Variants in MYO16 observed in about 807,000 individuals in gnomAD.
The protein encoded by MYO16 is myosin XVI, also known as unconventional myosin-XVI.
Under a neutral mutation model 205.3 loss-of-function variants are expected in MYO16, and 94 were observed. The observed-to-expected ratio is 0.46, with a 90% confidence interval of 0.39 to 0.54. The LOEUF (loss-of-function observed/expected upper bound fraction) is 0.54. Ranked by LOEUF, MYO16 falls within the 20% of genes least tolerant of loss-of-function variation. The probability of loss-of-function intolerance (pLI) is 0.00; values close to 1 mark genes in which losing one functional copy is unlikely to be tolerated. For missense variants in MYO16, 2,315 were observed against 2,387.5 expected, an observed-to-expected ratio of 0.97 and a Z score of 0.63; for synonymous variants, 988 against 954.0, an observed-to-expected ratio of 1.04 and a Z score of -0.66.
chr13:108,665,965 C>G lies in MYO16; in HGVS notation c.108C>G (p.Gly36=), dbSNP rs956110918. Residue 36 remains glycine, a synonymous_variant, in exon 2 of 35, where the codon GGC becomes GGG. Transcript: ENST00000457511. The part of the protein sequence containing the change: ...DQCLLESLPL[G]QRQRLVKRMR... ...GCTTGCTAGAGTCCCTTCCCCTTGG[C>G]CAACGGCAGCGTCTAGTGAAGCGCA... 40 of 1,614,016 alleles carry G rather than the reference C, an allele frequency of 2.5e-5. No homozygotes were observed. The highest frequency in any genetic ancestry group is 3.4e-5 in the Non-Finnish European group (40 of 1,179,998).
intron 27 of MYO16, among the ~76,000 whole-genome samples, chr13:109,099,439 A>G (rs1404304143): frequency 6.6e-6 from 1 of 152,190 alleles, no homozygotes; most frequent in African/African-American, 2.4e-5. Flanking sequence ...CGAAAACCAC[A>G]ATTACATTTA....
chr13:108,533,781 T>C, the MYO16 span, among the ~76,000 whole-genome samples: 1 of 152,242 alleles, frequency 6.6e-6, no homozygotes, highest in Non-Finnish European at 1.5e-5. Flanking sequence ...ATAAATAAAC[T>C]ATTATTAAAT....
At chr13:108,518,035 A>G in the MYO16 span, among the ~76,000 whole-genome samples, 1 of 152,162 alleles carries the variant, frequency 6.6e-6, no homozygotes, top group African/African-American at 2.4e-5. Flanking sequence ...GTTGGGTATT[A>G]TAAGCCAGCA....
chr13:108,574,698 TGTGTGTGTGTGC>T, the MYO16 span, among the ~76,000 whole-genome samples: 71 of 134,868 alleles, frequency 5.3e-4, no homozygotes, highest in Middle Eastern at 7.5e-3. Flanking sequence ...TGTGTGTGTG[TGTGTGTGTGTGC>T]GCTTGTGTGT....
intron 34 of MYO16, among the ~76,000 whole-genome samples, chr13:109,193,268 G>A (rs1046909243): frequency 1.3e-5 from 2 of 152,180 alleles, no homozygotes; most frequent in Non-Finnish European, 2.9e-5. Context: ...TGGGCACCCT[G>A]AGAAATAGAA....
At chr13:108,861,728 T>C (rs1269493543) in intron 11 of MYO16, among the ~76,000 whole-genome samples, 1 of 152,222 alleles carries the variant, frequency 6.6e-6, no homozygotes, top group Non-Finnish European at 1.5e-5. Flanking sequence ...AATATGTGTT[T>C]GTTGTTCATT....
chr13:108,609,225 C>G (rs2139314534), intron 1 of MYO16, among the ~76,000 whole-genome samples: 1 of 152,264 alleles, frequency 6.6e-6, no homozygotes, highest in South Asian at 2.1e-4. Flanking sequence ...TCTGCCCAGC[C>G]CTTCTTCTTA....
At chr13:109,148,446 C>G (rs1450899554) in intron 32 of MYO16, among the ~76,000 whole-genome samples, 3 of 152,198 alleles carry the variant, frequency 2.0e-5, no homozygotes, top group Non-Finnish European at 4.4e-5. Flanking sequence ...AATGTAAGCA[C>G]AGGGATTGCT....
intron 16 of MYO16, among the ~76,000 whole-genome samples, chr13:108,919,483 G>A (rs1881646627): frequency 2.4e-5 from 3 of 125,808 alleles, no homozygotes; most frequent in African/African-American, 8.5e-5. Context: ...TGGCGTGAGC[G>A]ATTGTCGTTA....
At chr13:108,768,763 G>A (rs186674980) in intron 4 of MYO16, among the ~76,000 whole-genome samples, 1 of 152,218 alleles carries the variant, frequency 6.6e-6, no homozygotes, top group African/African-American at 2.4e-5. Context: ...TCGTCTTATG[G>A]TTTATAATGT....
rs1453037486 is a variant in MYO16 at position 109,120,191 on chromosome 13, C to A, written c.3439-179C>A. The stretch of plus-strand genomic sequence containing the variant: ...CATGCAGTAAACATACTTATTACAA[C>A]AAAGCCTTTGGGATTTTGATTAAAT... On this transcript the variant is annotated intron_variant, in intron 28 of 34. Coordinates refer to ENST00000457511, the MANE Select transcript of MYO16 (RefSeq NM_001198950.3). Among the ~76,000 whole-genome samples the A allele has an allele frequency of 2.6e-5, 4 of 152,206 alleles. No individual in the cohort carries two copies. The East Asian group carries it at 7.7e-4, about 29-fold the overall frequency.
intron 21 of MYO16, among the ~76,000 whole-genome samples, chr13:108,998,924 A>G (rs1421281718): frequency 6.6e-6 from 1 of 152,200 alleles, no homozygotes; most frequent in Non-Finnish European, 1.5e-5. Context: ...ACACATGCGG[A>G]AGCTGGATGC....
intron 27 of MYO16, among the ~76,000 whole-genome samples, chr13:109,079,328 T>C (rs527296647): frequency 1.3e-5 from 2 of 152,202 alleles, no homozygotes; most frequent in African/African-American, 2.4e-5. Flanking sequence ...TGCTCCATCA[T>C]GGCTGCAAGC....
chr13:108,652,634 A>G (rs942029528), intron 1 of MYO16, among the ~76,000 whole-genome samples: 11 of 152,204 alleles, frequency 7.2e-5, no homozygotes, highest in Non-Finnish European at 4.4e-5. Context: ...GAAGCCTCAT[A>G]TAAGTGGAAT....
At chr13:109,167,376 G>C (rs963125995) in intron 33 of MYO16, 9 of 74,394 alleles carry the variant, frequency 1.2e-4, no homozygotes, top group African/African-American at 3.0e-4. Context: ...ATTGTGTTGA[G>C]GTTAAAAAAA....
At chr13:109,113,817 A>G (rs1875529208) in intron 28 of MYO16, among the ~76,000 whole-genome samples, 1 of 152,158 alleles carries the variant, frequency 6.6e-6, no homozygotes, top group Non-Finnish European at 1.5e-5. Flanking sequence ...CTCAGGGAAC[A>G]CCCAGGTAGA....
At chr13:108,754,442 C>T (rs2139643880) in intron 4 of MYO16, among the ~76,000 whole-genome samples, 1 of 152,272 alleles carries the variant, frequency 6.6e-6, no homozygotes, top group East Asian at 1.9e-4. Context: ...ACATAGCTCT[C>T]TGACAGAAAA....
intron 28 of MYO16, among the ~76,000 whole-genome samples, chr13:109,117,557 G>A (rs75908015): frequency 0.13 from 19,733 of 149,338 alleles, 1,608 homozygotes; most frequent in Middle Eastern, 0.21. Context: ...TGGTAAATAT[G>A]TACAAAGCAC....
chr13:108,904,784 C>T (rs909984386), intron 15 of MYO16, among the ~76,000 whole-genome samples: 1 of 152,096 alleles, frequency 6.6e-6, no homozygotes, highest in African/African-American at 2.4e-5. Flanking sequence ...CATCCATCCC[C>T]TTATGGATAC....
Sources: allele counts gnomAD v4.1 joint callset (sites outside exome capture counted in the v4.1 genomes callset), GRCh38; gene constraint gnomAD v4.1.1; transcripts MANE v1.5; gene names NCBI Gene and HGNC (gene_info 2026-07-23, HGNC 2026-07-21).